Variants in CHRNB4 observed in about 807,000 individuals in gnomAD.
The protein encoded by CHRNB4 is cholinergic receptor nicotinic beta 4 subunit.
In CHRNB4, 23 loss-of-function variants were observed where a neutral mutation model predicts 40.4. The ratio of observed to expected loss-of-function variants is 0.57; its 90% CI spans 0.41 to 0.81. CHRNB4 has a LOEUF of 0.81. Among genes scored for constraint, CHRNB4 ranks in the 30% least tolerant of loss-of-function variants. CHRNB4 has a pLI of 0.00. For synonymous variants in CHRNB4, 285 were observed against 274.4 expected (o/e 1.04, Z -0.38); for missense variants, 568 against 670.6 (o/e 0.85, Z 1.69).
Position 78,624,958 on chromosome 15 carries a change from G to A in CHRNB4, c.*175C>T. Reference sequence around the variant, plus strand: ...TCCTGGGATCCCTCCAAGGCATTCAGAGAGGACAGCCCAGGCCCCCATCCT... The same window carrying A: ...TCCTGGGATCCCTCCAAGGCATTCAAAGAGGACAGCCCAGGCCCCCATCCT... On this transcript the variant is annotated 3_prime_UTR_variant, in exon 6 of 6. Transcript: ENST00000261751. 6.5e-7 allele frequency: 1 copy of A among 1,531,916 alleles called. No individual in the cohort carries two copies. The highest frequency in any genetic ancestry group is 8.7e-7 in the Non-Finnish European group (1 of 1,145,660). 94.9% of individuals were successfully genotyped at this position (1,531,916 alleles called of 1,614,324 possible). A position where few individuals can be genotyped will look rare whatever the true frequency, so the allele number is the denominator to read the frequency against.
intron 7 of CHRNB4, among the ~76,000 whole-genome samples, chr15:78,647,374 C>G (rs886796560): frequency 3.3e-5 from 5 of 150,856 alleles, no homozygotes; most frequent in African/African-American, 1.2e-4. Context: ...AAAAGTCAAC[C>G]AACCAAAAGA....
chr15:78,636,753 T>C (rs1010836420), intron 1 of CHRNB4, among the ~76,000 whole-genome samples: 5 of 152,092 alleles, frequency 3.3e-5, no homozygotes, highest in African/African-American at 1.2e-4. Context: ...CCAGCTTGTC[T>C]CACTTCTTTG....
At chr15:78,651,270 C>T (rs1035397598) in intron 6 of CHRNB4, among the ~76,000 whole-genome samples, 3 of 152,092 alleles carry the variant, frequency 2.0e-5, no homozygotes, top group Non-Finnish European at 4.4e-5. Context: ...AAAAAGCAAG[C>T]GGCCAAAAGC....
rs375973053 is a variant in CHRNB4, at chr15:78,652,143, TGCA to T, written c.-16+432_-16+434del. On this transcript the variant is annotated intron_variant and NMD_transcript_variant, in intron 6 of 11. Transcript: ENST00000559849. ...CCTTCACTTGTAACTTGCCCACAGC[TGCA>T]GCAGGAGGTGGAGCAGTAATTCCTG... Among the ~76,000 whole-genome samples the T allele has an allele frequency of 1.2e-4, 18 of 152,354 alleles. No individual in the cohort carries two copies. The East Asian group carries it at 3.5e-3, about 29-fold the overall frequency.
chr15:78,644,056 G>C (rs1010601875), upstream of CHRNB4, among the ~76,000 whole-genome samples: 5 of 151,520 alleles, frequency 3.3e-5, no homozygotes, highest in African/African-American at 1.2e-4. Flanking sequence ...CCAGCTACTT[G>C]GGAGGCTGAG....
chr15:78,625,032 T>G lies in CHRNB4; in HGVS notation c.*101A>C. On this transcript the variant is annotated 3_prime_UTR_variant, in exon 6 of 6. Coordinates refer to ENST00000261751, the MANE Select transcript of CHRNB4 (RefSeq NM_000750.5). ...GTTTGATGGGGTTGATGGCCAATGC[T>G]CACATATTTACTTAGGGCCTCATCA... 1 of 1,603,688 alleles carries G rather than the reference T, an allele frequency of 6.2e-7. No homozygotes were observed. Among genetic ancestry groups the G allele is most frequent in the Non-Finnish European group, 8.5e-7 (1 of 1,179,732 alleles).
chr15:78,641,332 C>G (rs1373302735), upstream of CHRNB4: 2 of 498,570 alleles, frequency 4.0e-6, no homozygotes, highest in Non-Finnish European at 6.8e-6. Context: ...GCCCCGACGC[C>G]CCCTGGGTGG....
intron 7 of CHRNB4, among the ~76,000 whole-genome samples, chr15:78,648,453 T>A (rs12915539): frequency 0.26 from 38,439 of 148,574 alleles, 5,779 homozygotes; most frequent in Non-Finnish European, 0.36. Flanking sequence ...TTCTGCTGCA[T>A]AAGAATATAT....
chr15:78,661,151 C>T (rs1596128231), upstream of CHRNB4: 1 of 622,448 alleles, frequency 1.6e-6, no homozygotes, highest in Admixed American at 1.9e-5. Flanking sequence ...GGGGCCTTGC[C>T]GAAATGCCGG....
At chr15:78,636,625 T>TA (rs1402334283) in intron 1 of CHRNB4, among the ~76,000 whole-genome samples, 3 of 151,638 alleles carry the variant, frequency 2.0e-5, no homozygotes, top group Non-Finnish European at 4.4e-5. Context: ...TTTTTTTTTT[T>TA]AGAGACAGGG....
At chr15:78,654,086 A>T (rs536607054) in intron 5 of CHRNB4, among the ~76,000 whole-genome samples, 12 of 152,282 alleles carry the variant, frequency 7.9e-5, no homozygotes, top group Admixed American at 3.9e-4. Flanking sequence ...TTCACATAGC[A>T]TAAAGACCCA....
chr15:78,626,353 TG>T (rs2053656118), intron 5 of CHRNB4: 1 of 133,496 alleles, frequency 7.5e-6, no homozygotes, highest in South Asian at 2.4e-4. Context: ...TGTGTGTGTG[TG>T]TGTGTGTGTG....
chr15:78,653,854 G>A (rs1373636191), intron 5 of CHRNB4, among the ~76,000 whole-genome samples: 1 of 152,110 alleles, frequency 6.6e-6, no homozygotes, highest in Non-Finnish European at 1.5e-5. Flanking sequence ...ATCATTTACA[G>A]TAATTACTGG....
upstream of CHRNB4, among the ~76,000 whole-genome samples, chr15:78,645,475 T>C (rs2054115383): frequency 1.3e-5 from 2 of 152,150 alleles, no homozygotes; most frequent in South Asian, 4.1e-4. Flanking sequence ...AATGAAAATC[T>C]TGAGTGCATT....
At chr15:78,641,799 T>TC (rs2054079606), upstream of CHRNB4, among the ~76,000 whole-genome samples, 1 of 152,072 alleles carries the variant, frequency 6.6e-6, no homozygotes, top group Admixed American at 6.6e-5. Context: ...GGCCTCGTCC[T>TC]CCCCCATGGG....
At chr15:78,634,223 C>A (rs1039535314) in intron 2 of CHRNB4, among the ~76,000 whole-genome samples, 2 of 152,210 alleles carry the variant, frequency 1.3e-5, no homozygotes, top group African/African-American at 4.8e-5. Flanking sequence ...GCCGCTATCA[C>A]CCTATAGGGC....
At chr15:78,642,192 A>G (rs942652235), upstream of CHRNB4, among the ~76,000 whole-genome samples, 7 of 152,268 alleles carry the variant, frequency 4.6e-5, no homozygotes, top group African/African-American at 1.7e-4. Flanking sequence ...TGACATGTTG[A>G]CATATGGTCT....
rs538039144 is a variant in CHRNB4, at chr15:78,652,783, A to G, written c.-109-112T>C. The G allele has an allele frequency of 4.6e-5, 7 of 152,360 alleles. 1 individual carries two copies. In the South Asian group the frequency reaches 8.3e-4, roughly 18 times the overall value. The allele number at this position is 152,360 out of a possible 1,614,324, so 9.4% of individuals were successfully genotyped here. ...AGCTACTTTCTCCTTTTCCTCATCT[A>G]TAACGGCTGTCCTGATGCTTCAACA... On this transcript the variant is annotated intron_variant and NMD_transcript_variant, in intron 5 of 11. Transcript: ENST00000559849.
chr15:78,632,010 C>G (rs954314895), intron 2 of CHRNB4, among the ~76,000 whole-genome samples: 8 of 152,136 alleles, frequency 5.3e-5, no homozygotes, highest in African/African-American at 1.9e-4. Flanking sequence ...ACACTGTTCC[C>G]TTTTCCTGGA....
Sources: gnomAD v4.1 joint callset for allele counts (sites outside exome capture counted in the v4.1 genomes callset) on GRCh38, gnomAD v4.1.1 for gene constraint, MANE v1.5 for transcripts, NCBI Gene and HGNC (gene_info 2026-07-23, HGNC 2026-07-21) for gene names.